DPP4: variants seen among roughly 807,000 people sequenced by gnomAD.
The protein encoded by DPP4 is ADCP-2.
DPP4 carries 93 observed loss-of-function variants against 122.4 expected under a neutral mutation model. The ratio of observed to expected loss-of-function variants is 0.76; its 90% CI spans 0.64 to 0.90. The LOEUF (loss-of-function observed/expected upper bound fraction) is 0.90. Ranked by LOEUF, DPP4 falls within the 40% of genes least tolerant of loss-of-function variation. DPP4 has a pLI of 0.00. For missense variants in DPP4, 914 were observed against 907.3 expected (o/e 1.01, Z -0.09); for synonymous variants, 321 against 302.9 (o/e 1.06, Z -0.62).
intron 5 of DPP4, among the ~76,000 whole-genome samples, chr2:162,042,630 A>AG (rs1280866935): frequency 6.6e-6 from 1 of 152,162 alleles, no homozygotes; most frequent in Non-Finnish European, 1.5e-5. Flanking sequence ...GTAAAAAAAA[A>AG]AAAAGAAAGA....
At chr2:162,019,635 T>C (rs1210320369) in intron 14 of DPP4, among the ~76,000 whole-genome samples, 1 of 152,040 alleles carries the variant, frequency 6.6e-6, no homozygotes, top group East Asian at 1.9e-4. Flanking sequence ...TTCTGTCTTA[T>C]AACATAAGCT....
intron 23 of DPP4, among the ~76,000 whole-genome samples, chr2:161,996,288 G>C (rs1458224139): frequency 1.3e-5 from 2 of 152,218 alleles, no homozygotes; most frequent in Non-Finnish European, 2.9e-5. Flanking sequence ...GGGTGAGCTA[G>C]AGTCTACTTT....
rs192004210 is a variant in DPP4 at position 162,020,400 on chromosome 2, C to T, written c.1177-104G>A. The stretch of plus-strand genomic sequence containing the variant: ...CATTTATATCAGGAATTCAAATAAC[C>T]TTGGATTTTCTTGTTGGGTTTCCCC... On this transcript the variant is annotated intron_variant, in intron 13 of 25. Coordinates refer to ENST00000360534, the MANE Select transcript of DPP4 (RefSeq NM_001935.4). 1.2e-5 allele frequency: 13 copies of T among 1,123,190 alleles called. No individual in the cohort carries two copies. The East Asian group carries it at 2.3e-4, about 20-fold the overall frequency. The allele number at this position is 1,123,190 out of a possible 1,614,324, so 69.6% of individuals were successfully genotyped here. A position where few individuals can be genotyped will look rare whatever the true frequency, so the allele number is the denominator to read the frequency against.
At chr2:162,016,149 T>C (rs988199484) in intron 18 of DPP4, among the ~76,000 whole-genome samples, 1 of 152,176 alleles carries the variant, frequency 6.6e-6, no homozygotes, top group East Asian at 1.9e-4. Flanking sequence ...TCAATCCTAA[T>C]ATAACAGATT....
chr2:161,997,082 C>T (rs775960116), intron 23 of DPP4, among the ~76,000 whole-genome samples: 6 of 152,168 alleles, frequency 3.9e-5, no homozygotes, highest in Non-Finnish European at 7.4e-5. Context: ...ATGTTTCAGT[C>T]GAATGAATGT....
intron 12 of DPP4, among the ~76,000 whole-genome samples, chr2:162,021,955 T>C (rs1358352343): frequency 2.0e-5 from 3 of 152,156 alleles, no homozygotes; most frequent in African/African-American, 7.2e-5. Context: ...GGTTGTCTTC[T>C]TGGACTGGGG....
intron 22 of DPP4, 33 bp downstream of exon 22, chr2:162,008,529 C>T (rs779763529): frequency 1.0e-5 from 16 of 1,579,142 alleles, no homozygotes; most frequent in Non-Finnish European, 1.4e-5. Flanking sequence ...GTCAACACTC[C>T]GTATCTCTTT....
At chr2:162,007,773 T>A (rs945688702) in intron 22 of DPP4, among the ~76,000 whole-genome samples, 2 of 152,172 alleles carry the variant, frequency 1.3e-5, no homozygotes, top group East Asian at 3.8e-4. Context: ...CAGAAAGATA[T>A]AAATGTATTT....
At chr2:162,008,439 C>T (rs1701338579) in intron 22 of DPP4, 123 bp downstream of exon 22, 1 of 770,054 alleles carries the variant, frequency 1.3e-6, no homozygotes, top group African/African-American at 1.7e-5. Context: ...CAAAAAGAAC[C>T]TCTAAGATGA....
chr2:162,021,251 TC>T (rs1268514669), intron 12 of DPP4, among the ~76,000 whole-genome samples: 1 of 152,224 alleles, frequency 6.6e-6, no homozygotes, highest in Non-Finnish European at 1.5e-5. Context: ...ATGAAAACAT[TC>T]ATATAGTTAT....
intron 12 of DPP4, chr2:162,021,379 C>T (rs1265787050): frequency 1.3e-5 from 2 of 152,056 alleles, no homozygotes; most frequent in Non-Finnish European, 2.9e-5. Flanking sequence ...GTACTCAGAA[C>T]ATAATGCAGT....
In DPP4 at chr2:162,009,180, T is replaced by C. The variant is rs2106086232; in HGVS notation, c.1887+61A>G. On this transcript the variant is annotated intron_variant, in intron 21 of 25. Transcript: ENST00000360534. ...AAATATGTATATACAAAAGATAAAG[T>C]AACCTGCTCTGAGTGATATTCACTA... The C allele has an allele frequency of 7.8e-6, 12 of 1,539,256 alleles. No individual in the cohort carries two copies. In the South Asian group the frequency reaches 8.9e-5, roughly 11 times the overall value.
chr2:162,020,850 T>C (rs1282483853), intron 12 of DPP4, among the ~76,000 whole-genome samples, 162 bp from the exon 13 acceptor site: 1 of 152,224 alleles, frequency 6.6e-6, no homozygotes, highest in Non-Finnish European at 1.5e-5. Flanking sequence ...TATCTTTCTA[T>C]AAAATGTGAA....
At position 162,021,540 on chromosome 2, in the gene DPP4, T is replaced by C. The variant is rs1683128167; in HGVS notation, c.1069-852A>G. 2.0e-5 allele frequency: 3 copies of C among 152,172 alleles called. No homozygotes were observed. In the South Asian group the frequency reaches 6.2e-4, roughly 32 times the overall value. The allele number at this position is 152,172 out of a possible 1,614,324, so 9.4% of individuals were successfully genotyped here. A position where few individuals can be genotyped will look rare whatever the true frequency, so the allele number is the denominator to read the frequency against. ...TGTTTCCTCTCTCATCAGCTCCCAT[T>C]TTGGGAAGGAAGAAAAATGCTTCCC... On this transcript the variant is annotated intron_variant, in intron 12 of 25. Transcript: ENST00000360534.
chr2:162,003,496 AG>A (rs1320008656), intron 23 of DPP4, among the ~76,000 whole-genome samples: 1 of 152,180 alleles, frequency 6.6e-6, no homozygotes, highest in East Asian at 1.9e-4. Context: ...TTAGATGTCA[AG>A]GTTGGGCTTG....
chr2:162,044,905 G>A (rs773306048), intron 5 of DPP4, among the ~76,000 whole-genome samples: 4 of 151,950 alleles, frequency 2.6e-5, no homozygotes, highest in Non-Finnish European at 4.4e-5. Context: ...GCCATCTTGC[G>A]GAATCTTTTC....
At chr2:162,034,352 T>G (rs1338914084) in intron 9 of DPP4, among the ~76,000 whole-genome samples, 1 of 152,212 alleles carries the variant, frequency 6.6e-6, no homozygotes, top group Non-Finnish European at 1.5e-5. Flanking sequence ...AACATTCCAC[T>G]GAAAACACAT....
At chr2:162,020,319 A>AC in intron 13 of DPP4, 23 bp from the exon 14 acceptor site, 1 of 328,446 alleles carries the variant, frequency 3.0e-6, no homozygotes, top group Non-Finnish European at 3.9e-6. Context: ...TTTTTTTTTC[A>AC]AAAAAAAAAA....
chr2:162,006,053 C>G (rs373843249), intron 22 of DPP4, among the ~76,000 whole-genome samples: 2 of 152,290 alleles, frequency 1.3e-5, no homozygotes, highest in Admixed American at 1.3e-4. Context: ...TCCCTGCATA[C>G]TCATACCTTT....
Sources: gnomAD v4.1 joint callset for allele counts (sites outside exome capture counted in the v4.1 genomes callset) on GRCh38, gnomAD v4.1.1 for gene constraint, MANE v1.5 for transcripts, NCBI Gene and HGNC (gene_info 2026-07-23, HGNC 2026-07-21) for gene names.